The following AKAP7 variants were observed in gnomAD, a reference collection of about 807,000 sequenced individuals.
AKAP7 encodes the protein A-kinase anchoring protein 7.
In AKAP7, 39 loss-of-function variants were observed where a neutral mutation model predicts 39.5. The observed-to-expected ratio is 0.99, with a 90% confidence interval of 0.76 to 1.29. The LOEUF (loss-of-function observed/expected upper bound fraction) is 1.29. Among genes scored for constraint, AKAP7 ranks in the 50% most tolerant of loss-of-function variants. AKAP7 has a pLI of 0.00. For missense variants in AKAP7, 414 were observed against 407.7 expected (o/e 1.02, Z -0.13); for synonymous variants, 140 against 139.1 (o/e 1.01, Z -0.05).
At chr6:131,252,076 A>G (rs186060703) in intron 7 of AKAP7, among the ~76,000 whole-genome samples, 6 of 152,242 alleles carry the variant, frequency 3.9e-5, no homozygotes, top group Admixed American at 3.9e-4. Context: ...GTCTGTAAGC[A>G]TCTTTTGGCT....
At chr6:131,181,694 A>C (rs1219474953) in intron 5 of AKAP7, among the ~76,000 whole-genome samples, 2 of 152,098 alleles carry the variant, frequency 1.3e-5, no homozygotes, top group Non-Finnish European at 2.9e-5. Context: ...CCCATTGTTT[A>C]AGATATGCTG....
intron 6 of AKAP7, among the ~76,000 whole-genome samples, chr6:131,207,221 T>C (rs1369563621): frequency 1.3e-5 from 2 of 151,938 alleles, no homozygotes; most frequent in East Asian, 3.9e-4. Context: ...CTTCAAGTAC[T>C]GATAGGAAGA....
intron 7 of AKAP7, among the ~76,000 whole-genome samples, chr6:131,266,894 C>G (rs1813845845): frequency 6.6e-6 from 1 of 152,108 alleles, no homozygotes. Context: ...ACTTGGTTGA[C>G]AGATTGATTA....
intron 7 of AKAP7, chr6:131,252,912 T>C: frequency 1.1e-6 from 1 of 907,664 alleles, no homozygotes; most frequent in East Asian, 2.5e-5. Flanking sequence ...GAATACTCAC[T>C]TCTTCTAATT....
intron 7 of AKAP7, among the ~76,000 whole-genome samples, chr6:131,252,492 A>C (rs896694268): frequency 6.6e-6 from 1 of 152,202 alleles, no homozygotes; most frequent in Non-Finnish European, 1.5e-5. Flanking sequence ...ATGGAAACAC[A>C]TATGCACATT....
chr6:131,274,186 A>G (rs999638386), intron 7 of AKAP7, among the ~76,000 whole-genome samples: 27 of 151,976 alleles, frequency 1.8e-4, no homozygotes, highest in Non-Finnish European at 3.7e-4. Flanking sequence ...CAGAAATTTG[A>G]TCATGATATT....
chr6:131,278,567 A>G (rs995019724), intron 7 of AKAP7, among the ~76,000 whole-genome samples: 1 of 152,184 alleles, frequency 6.6e-6, no homozygotes, highest in African/African-American at 2.4e-5. Flanking sequence ...GCTGTACAGG[A>G]AGCATGGCTG....
intron 7 of AKAP7, among the ~76,000 whole-genome samples, chr6:131,251,272 T>A (rs1486710619): frequency 1.3e-5 from 2 of 152,250 alleles, no homozygotes; most frequent in African/African-American, 4.8e-5. Context: ...CTTCACTGGC[T>A]TATGTATATT....
intron 6 of AKAP7, among the ~76,000 whole-genome samples, chr6:131,218,359 C>T (rs1167033772): frequency 6.6e-6 from 1 of 152,110 alleles, no homozygotes; most frequent in African/African-American, 2.4e-5. Context: ...TATGACACAG[C>T]ATATTTGCTG....
At chr6:131,243,919 T>G (rs1811800145) in intron 7 of AKAP7, among the ~76,000 whole-genome samples, 1 of 152,118 alleles carries the variant, frequency 6.6e-6, no homozygotes. Flanking sequence ...ATTAAAAGAT[T>G]AAAAGCACTT....
intron 7 of AKAP7, among the ~76,000 whole-genome samples, chr6:131,233,832 T>G (rs1810820285): frequency 6.6e-6 from 1 of 152,226 alleles, no homozygotes; most frequent in African/African-American, 2.4e-5. Context: ...CTTCTGTCAT[T>G]AGAATTTACG....
At chr6:131,140,669 T>C (rs1467459411) in intron 1 of AKAP7, among the ~76,000 whole-genome samples, 1 of 152,158 alleles carries the variant, frequency 6.6e-6, no homozygotes, top group Admixed American at 6.5e-5. Flanking sequence ...GGAAAAACAA[T>C]GGTTGGGTTT....
rs181577102 is a variant in AKAP7, at chr6:131,214,929, A to C, written c.703-4732A>C. On this transcript the variant is annotated intron_variant, in intron 6 of 7. Transcript: ENST00000431975. ...TATTCTGAATCTGTATCCAAGCTCT[A>C]TCTCTTACTAGCTGTGTCTTTTGGT... is the stretch of plus-strand genomic sequence containing the variant. Among the ~76,000 whole-genome samples, 417 of 152,234 alleles carry C rather than the reference A, an allele frequency of 2.7e-3. 1 individual carries two copies. Among genetic ancestry groups the C allele is most frequent in the African/African-American group, 9.6e-3 (398 of 41,546 alleles).
intron 2 of AKAP7, among the ~76,000 whole-genome samples, chr6:131,154,628 A>G (rs1429658290): frequency 1.3e-5 from 2 of 152,130 alleles, no homozygotes; most frequent in Non-Finnish European, 2.9e-5. Context: ...ATACTTTAGT[A>G]TATTTCTTTA....
rs532799863 is a variant in AKAP7, at chr6:131,220,592, TTTTATTGTGCTTTGC to T, written c.850+797_850+811del. Among the ~76,000 whole-genome samples, 137 of 152,334 alleles carry T rather than the reference TTTTATTGTGCTTTGC, an allele frequency of 9.0e-4. 2 individuals are homozygous for T. Among genetic ancestry groups the T allele is most frequent in the African/African-American group, 3.2e-3 (135 of 41,584 alleles). Reference sequence around the variant, plus strand: ...AGAAGACAAATACATGCATACCTTGTTTTATTGTGCTTTGCTTTATTGTGCTTCACAGATATTGCC... The same window carrying T: ...AGAAGACAAATACATGCATACCTTGTTTTATTGTGCTTCACAGATATTGCC... On this transcript the variant is annotated intron_variant, in intron 7 of 7. Coordinates refer to ENST00000431975, the MANE Select transcript of AKAP7 (RefSeq NM_016377.4).
At chr6:131,179,865 T>C (rs2128253702) in intron 5 of AKAP7, among the ~76,000 whole-genome samples, 1 of 148,502 alleles carries the variant, frequency 6.7e-6, no homozygotes, top group South Asian at 2.1e-4. Context: ...AAAGACCCTG[T>C]CTCAAATAAA....
chr6:131,130,125 C>T, the AKAP7 span, among the ~76,000 whole-genome samples: 7 of 152,150 alleles, frequency 4.6e-5, no homozygotes, highest in Admixed American at 2.0e-4. Flanking sequence ...CTGAACACTT[C>T]CCATCCAATT....
chr6:131,219,658 A>C lies in AKAP7; in HGVS notation c.703-3A>C. On this transcript the variant is annotated splice_region_variant and splice_polypyrimidine_tract_variant and intron_variant, in intron 6 of 7. Transcript: ENST00000431975. ...ATTGATTGATTTGTTTTTTCATTTC[A>C]AGGGAGTGAAAAAAATAGATCCTGA... 1.3e-6 allele frequency: 2 copies of C among 1,591,458 alleles called. No homozygotes were observed. Among genetic ancestry groups the C allele is most frequent in the Non-Finnish European group, 1.7e-6 (2 of 1,169,770 alleles).
intron 5 of AKAP7, among the ~76,000 whole-genome samples, chr6:131,196,085 T>A (rs1049929763): frequency 2.6e-5 from 4 of 152,150 alleles, no homozygotes; most frequent in African/African-American, 9.7e-5. Flanking sequence ...CTCTGAGATT[T>A]GTCCCTTTGA....
Sources: allele counts gnomAD v4.1 joint callset (sites outside exome capture counted in the v4.1 genomes callset), GRCh38; gene constraint gnomAD v4.1.1; transcripts MANE v1.5; gene names NCBI Gene and HGNC (gene_info 2026-07-23, HGNC 2026-07-21).